Variants in PRKCA observed in about 807,000 individuals in gnomAD.
PRKCA encodes the protein protein kinase C alpha.
PRKCA carries 27 observed loss-of-function variants against 87.0 expected under a neutral mutation model. The observed-to-expected ratio is 0.31, with a 90% confidence interval of 0.23 to 0.43. The LOEUF (loss-of-function observed/expected upper bound fraction) is 0.43. Ranked by LOEUF, PRKCA falls within the 20% of genes least tolerant of loss-of-function variation. PRKCA has a pLI of 1.00. For synonymous variants in PRKCA, 329 were observed against 311.1 expected, an observed-to-expected ratio of 1.06 and a Z score of -0.61; for missense variants, 518 against 852.3, an observed-to-expected ratio of 0.61 and a Z score of 4.88.
intron 3 of PRKCA, among the ~76,000 whole-genome samples, chr17:66,568,836 AAG>A (rs1968977336): frequency 6.6e-6 from 1 of 152,172 alleles, no homozygotes; most frequent in South Asian, 2.1e-4. Context: ...ATGTTCCTAA[AAG>A]AGTTAGGCAG....
intron 2 of PRKCA, among the ~76,000 whole-genome samples, chr17:66,462,058 C>A (rs73996211): frequency 0.063 from 9,576 of 151,904 alleles, 1,019 homozygotes; most frequent in African/African-American, 0.22. Flanking sequence ...TAAGATGAGA[C>A]CTTGGTTGTG....
intron 2 of PRKCA, among the ~76,000 whole-genome samples, chr17:66,483,488 C>A (rs894165738): frequency 5.4e-5 from 6 of 111,088 alleles, no homozygotes; most frequent in Admixed American, 4.8e-4. Flanking sequence ...TTTTTCGAGA[C>A]AGAGTCTCTG....
chr17:66,365,956 C>G (rs1908692119), intron 2 of PRKCA, among the ~76,000 whole-genome samples: 1 of 152,166 alleles, frequency 6.6e-6, no homozygotes, highest in Non-Finnish European at 1.5e-5. Context: ...TGTTGTCTCT[C>G]CTGAGTAGTC....
chr17:66,374,416 C>G (rs1258590922), intron 2 of PRKCA, among the ~76,000 whole-genome samples: 1 of 152,166 alleles, frequency 6.6e-6, no homozygotes. Context: ...TTGGTGCTAT[C>G]AAGGTCACAC....
rs542849129 is a variant in PRKCA, at chr17:66,763,276, T to C, written c.1525-10711T>C. ...TCCTGGTGCTGGGTACAGAAGTGGATGGCCCAGCCCCAACCAGGGAGAAGT... is the reference window on the plus strand; with the variant it reads ...TCCTGGTGCTGGGTACAGAAGTGGACGGCCCAGCCCCAACCAGGGAGAAGT... On this transcript the variant is annotated intron_variant, in intron 13 of 16. Coordinates refer to ENST00000413366, the MANE Select transcript of PRKCA (RefSeq NM_002737.3). 3.9e-5 allele frequency among the ~76,000 whole-genome samples: 6 copies of C among 152,320 alleles called. No individual in the cohort carries two copies. The South Asian group carries it at 6.2e-4, about 16-fold the overall frequency.
chr17:66,433,271 C>CGGCCCCAGCTCT (rs1913190992), intron 2 of PRKCA, among the ~76,000 whole-genome samples: 1 of 152,174 alleles, frequency 6.6e-6, no homozygotes, highest in African/African-American at 2.4e-5. Context: ...CCTGCAGCCC[C>CGGCCCCAGCTCT]GGCCCCAGCT....
At chr17:66,569,256 T>G (rs1232346821) in intron 3 of PRKCA, among the ~76,000 whole-genome samples, 2 of 152,170 alleles carry the variant, frequency 1.3e-5, no homozygotes, top group Non-Finnish European at 2.9e-5. Flanking sequence ...TTATACCTGT[T>G]AAAGGGCTTG....
chr17:66,324,447 CAAAA>C (rs61047065), intron 2 of PRKCA, among the ~76,000 whole-genome samples: 4 of 90,662 alleles, frequency 4.4e-5, no homozygotes, highest in African/African-American at 1.7e-4. Context: ...ACTAAAAATA[CAAAA>C]AAAAAAAAAA....
intron 3 of PRKCA, among the ~76,000 whole-genome samples, chr17:66,622,803 C>T (rs1298692741): frequency 3.9e-5 from 6 of 152,134 alleles, no homozygotes; most frequent in Admixed American, 3.9e-4. Context: ...AAGTGGAAAC[C>T]CCTTATAAAA....
chr17:66,445,803 T>G (rs1914004972), intron 2 of PRKCA, among the ~76,000 whole-genome samples: 1 of 151,980 alleles, frequency 6.6e-6, no homozygotes, highest in South Asian at 2.1e-4. Flanking sequence ...ACTTTTTTTT[T>G]TTTTCTTCTT....
chr17:66,418,900 C>T (rs1238718160), intron 2 of PRKCA, among the ~76,000 whole-genome samples: 1 of 151,512 alleles, frequency 6.6e-6, no homozygotes, highest in Non-Finnish European at 1.5e-5. Flanking sequence ...TACAGGCGCC[C>T]ACCATCACGC....
intron 2 of PRKCA, among the ~76,000 whole-genome samples, chr17:66,394,265 G>A (rs568394455): frequency 1.3e-5 from 2 of 152,300 alleles, no homozygotes; most frequent in African/African-American, 4.8e-5. Flanking sequence ...GGCCAGGATC[G>A]GAACTGGGTG....
intron 2 of PRKCA, among the ~76,000 whole-genome samples, chr17:66,433,304 T>C (rs1170831196): frequency 6.6e-6 from 1 of 152,134 alleles, no homozygotes; most frequent in Non-Finnish European, 1.5e-5. Flanking sequence ...CTGGCCCTGG[T>C]CCTGGCCCTG....
rs972123677 is a variant in PRKCA, at chr17:66,587,657, G to A, written c.289-53698G>A. ...ATAGATATATATAACATATATGTGT[G>A]TGTATATATACATATATACGTATAT... is the stretch of plus-strand genomic sequence containing the variant. On this transcript the variant is annotated intron_variant, in intron 3 of 16. Transcript: ENST00000413366. 8.0e-5 allele frequency among the ~76,000 whole-genome samples: 12 copies of A among 149,624 alleles called. No homozygotes were observed. The South Asian group carries it at 1.5e-3, about 19-fold the overall frequency.
Position 66,347,504 on chromosome 17 carries a change from C to G in PRKCA, c.205+41377C>G, listed in dbSNP as rs1907459353. 7.2e-5 allele frequency among the ~76,000 whole-genome samples: 11 copies of G among 152,330 alleles called. No individual in the cohort carries two copies. The South Asian group carries it at 2.3e-3, about 32-fold the overall frequency. On this transcript the variant is annotated intron_variant, in intron 2 of 16. Transcript: ENST00000413366. Reference sequence around the variant, plus strand: ...AGAGAATGAAACCGTGTCTGTGTTTCATATTGGTCCATCTTATGTGTTGAA... The same window carrying G: ...AGAGAATGAAACCGTGTCTGTGTTTGATATTGGTCCATCTTATGTGTTGAA...
chr17:66,765,605 C>T (rs1489422745), intron 13 of PRKCA, among the ~76,000 whole-genome samples: 1 of 148,020 alleles, frequency 6.8e-6, no homozygotes, highest in Admixed American at 6.8e-5. Context: ...ACTAAGTCTT[C>T]AAAATATGAT....
intron 2 of PRKCA, among the ~76,000 whole-genome samples, chr17:66,419,487 A>G (rs1483640830): frequency 6.6e-6 from 1 of 152,236 alleles, no homozygotes; most frequent in African/African-American, 2.4e-5. Context: ...ATAGTTTAAA[A>G]CAAGTAGCTG....
chr17:66,674,263 G>A (rs2143964809), intron 5 of PRKCA, among the ~76,000 whole-genome samples: 1 of 152,316 alleles, frequency 6.6e-6, no homozygotes, highest in South Asian at 2.1e-4. Flanking sequence ...AATGGGTCTT[G>A]TGCAAGGCTA....
At chr17:66,545,663 A>G (rs1450804958) in intron 3 of PRKCA, among the ~76,000 whole-genome samples, 3 of 152,222 alleles carry the variant, frequency 2.0e-5, no homozygotes, top group Non-Finnish European at 2.9e-5. Flanking sequence ...GTGGCAGGCT[A>G]TGTTTACTTT....
Sources: gnomAD v4.1 joint callset for allele counts (sites outside exome capture counted in the v4.1 genomes callset) on GRCh38, gnomAD v4.1.1 for gene constraint, MANE v1.5 for transcripts, NCBI Gene and HGNC (gene_info 2026-07-23, HGNC 2026-07-21) for gene names.